The following NID2 variants were observed in gnomAD, a reference collection of about 807,000 sequenced individuals.
NID2 encodes the protein nidogen-2.
In NID2, 83 loss-of-function variants were observed where a neutral mutation model predicts 145.4. The observed-to-expected ratio is 0.57, with a 90% CI of 0.48 to 0.69. NID2 has a LOEUF of 0.69. NID2 is among the 30% of genes least tolerant of loss of function. NID2 has a pLI of 0.00. For missense variants in NID2, 1,807 were observed against 1,765.7 expected (o/e 1.02, Z -0.42); for synonymous variants, 739 against 701.3 (o/e 1.05, Z -0.85).
chr14:52,005,257 G>GTTACCTTTTTAAA lies in NID2; in HGVS notation c.*216_*228dup. 2 of 388,566 alleles carry GTTACCTTTTTAAA rather than the reference G, an allele frequency of 5.1e-6. No individual in the cohort carries two copies. Among genetic ancestry groups the GTTACCTTTTTAAA allele is most frequent in the Non-Finnish European group, 9.1e-6 (2 of 219,132 alleles). 24.1% of individuals were successfully genotyped at this position (388,566 alleles called of 1,614,324 possible). On this transcript the variant is annotated 3_prime_UTR_variant, in exon 22 of 22. Coordinates refer to ENST00000216286, the MANE Select transcript of NID2 (RefSeq NM_007361.4). ...TTTAATAAGCAACAGTTAAAATTCT[G>GTTACCTTTTTAAA]TTACCTTTTTAAACTTGCAATAACA...
chr14:52,048,701 A>G (rs559173131), intron 5 of NID2, among the ~76,000 whole-genome samples: 38 of 152,322 alleles, frequency 2.5e-4, no homozygotes, highest in African/African-American at 8.2e-4. Context: ...GAATCACTGA[A>G]GTGCAGAGGA....
chr14:52,059,567 A>G (rs1892959279), intron 3 of NID2, among the ~76,000 whole-genome samples: 1 of 152,220 alleles, frequency 6.6e-6, no homozygotes, highest in Non-Finnish European at 1.5e-5. Flanking sequence ...TCATTCATTC[A>G]CCCATCTATT....
At chr14:52,037,641 A>C (rs1892119243) in intron 9 of NID2, among the ~76,000 whole-genome samples, 1 of 152,132 alleles carries the variant, frequency 6.6e-6, no homozygotes, top group Non-Finnish European at 1.5e-5. Flanking sequence ...TGTTCTTTGA[A>C]TTTCCATATA....
At chr14:52,023,750 G>A (rs1355882194) in intron 12 of NID2, among the ~76,000 whole-genome samples, 1 of 152,218 alleles carries the variant, frequency 6.6e-6, no homozygotes, top group Non-Finnish European at 1.5e-5. Flanking sequence ...CAGATTGAGG[G>A]AAGCTGCAGA....
At position 52,067,893 on chromosome 14, in the gene NID2, C is replaced by G; in HGVS notation, c.499G>C (p.Glu167Gln). 3 of 1,612,792 alleles carry G rather than the reference C, an allele frequency of 1.9e-6. No individual in the cohort carries two copies. Among genetic ancestry groups the G allele is most frequent in the Non-Finnish European group, 1.7e-6 (2 of 1,179,952 alleles). The stretch of plus-strand genomic sequence containing the variant: ...GGCAGCGCCCCGCGCTTGACCTCCT[C>G]GTAAGCGCCTACCTGCTCCCAGGTG... ...LATWEQVGAY[E>Q]EVKRGALPSG... The change falls in exon 2 of 22, where the codon GAG becomes CAG. Residue 167 changes from glutamate to glutamine, a missense_variant. Glu to Gln is a conservative substitution (Grantham distance 29). Coordinates refer to ENST00000216286, the MANE Select transcript of NID2 (RefSeq NM_007361.4).
chr14:52,068,567 G>A (rs1470097606), intron 1 of NID2, among the ~76,000 whole-genome samples, 200 bp downstream of exon 1: 1 of 152,196 alleles, frequency 6.6e-6, no homozygotes, highest in Non-Finnish European at 1.5e-5. Context: ...AACAATTCTT[G>A]CTCTCCCCTC....
intron 15 of NID2, 142 bp from the exon 16 acceptor site, chr14:52,014,598 C>G: frequency 1.2e-6 from 1 of 859,190 alleles, no homozygotes; most frequent in Non-Finnish European, 1.8e-6. Flanking sequence ...AGATGTTCTT[C>G]AAAAGAAATT....
At chr14:52,036,848 C>A (rs1220665752) in intron 9 of NID2, among the ~76,000 whole-genome samples, 1 of 112,108 alleles carries the variant, frequency 8.9e-6, no homozygotes, top group Middle Eastern at 4.0e-3. Context: ...TTTTAGTTAG[C>A]TTGTTTTTTT....
chr14:52,042,841 C>A lies in NID2; in HGVS notation c.1520G>T (p.Gly507Val). 1 of 1,614,222 alleles carries A rather than the reference C, an allele frequency of 6.2e-7. No homozygotes were observed. Among genetic ancestry groups the A allele is most frequent in the Non-Finnish European group, 8.5e-7 (1 of 1,180,032 alleles). Residue 507 changes from glycine to valine, a missense_variant, in exon 6 of 22, where the codon GGC becomes GTC. Gly to Val is a moderately radical substitution (Grantham distance 109). Coordinates refer to ENST00000216286, the MANE Select transcript of NID2 (RefSeq NM_007361.4). ...CTTGGATTGGCAGTGGCAGCAGAAG[C>A]CAGTGGCATAGTCCGTGCAGAAGGC... ...RHAFCTDYATGFCCHCQSKFY... is the reference protein window; with the variant it reads ...RHAFCTDYATVFCCHCQSKFY...
intron 9 of NID2, among the ~76,000 whole-genome samples, chr14:52,035,878 A>ATATATATATATATATATATATATATATT (rs58318209): frequency 3.0e-5 from 4 of 135,184 alleles, no homozygotes; most frequent in South Asian, 2.3e-4. Context: ...ATATATATAT[A>ATATATATATATATATATATATATATATT]TGTTTTATTT....
chr14:52,041,151 AAAAC>A (rs775056238), intron 7 of NID2, among the ~76,000 whole-genome samples: 17 of 150,124 alleles, frequency 1.1e-4, no homozygotes, highest in Non-Finnish European at 2.1e-4. Flanking sequence ...GACTTAGCAA[AAAAC>A]AAACAAACAA....
intron 12 of NID2, among the ~76,000 whole-genome samples, chr14:52,024,581 C>T (rs10141373): frequency 0.088 from 13,369 of 152,114 alleles, 644 homozygotes; most frequent in Middle Eastern, 0.15. Flanking sequence ...TTCCCAGGTC[C>T]CTGGACCACT....
chr14:52,052,379 C>A (rs1415389747), intron 5 of NID2, among the ~76,000 whole-genome samples: 1 of 152,172 alleles, frequency 6.6e-6, no homozygotes, highest in Non-Finnish European at 1.5e-5. Flanking sequence ...TATTAAGAAC[C>A]AGTGAGTGCA....
At chr14:52,061,734 A>G (rs1893026345) in intron 2 of NID2, among the ~76,000 whole-genome samples, 2 of 152,190 alleles carry the variant, frequency 1.3e-5, no homozygotes, top group Non-Finnish European at 1.5e-5. Context: ...GTTTACCCTC[A>G]TATTTTCAAC....
Position 52,054,029 on chromosome 14 carries a change from G to C in NID2, c.1060C>G (p.Pro354Ala), listed in dbSNP as rs1339723651. 1.2e-6 allele frequency: 2 copies of C among 1,613,848 alleles called. No homozygotes were observed. Among genetic ancestry groups the C allele is most frequent in the Admixed American group, 1.7e-5 (1 of 60,026 alleles). Reference protein sequence around the residue: ...VSFQSKVDTKPLEESSTLDPH... With the variant: ...VSFQSKVDTKALEESSTLDPH... ...GGAGGGGAGATCCTACCCTCTAAAG[G>C]CTTTGTATCCACTTTGGATTGGAAG... The change falls in exon 4 of 22, where the codon CCT (proline) becomes GCT (alanine). Residue 354 changes from proline (P) to alanine (A), a missense_variant. By Grantham distance (27) the Pro-to-Ala change is conservative (BLOSUM62 -1). Transcript: ENST00000216286.
rs1267526590 is a variant in NID2 at position 52,020,111 on chromosome 14, G to C, written c.2742C>G (p.Phe914Leu). 6.2e-7 allele frequency: 1 copy of C among 1,614,184 alleles called. No individual in the cohort carries two copies. The highest frequency in any genetic ancestry group is 1.7e-5 in the Admixed American group (1 of 60,030). Reference sequence around the variant, plus strand: ...AATATCCGGGTTGACAACGGCAGGAGAAGGAACCAGGAGTATTGTAGCAGG... The same window carrying C: ...AATATCCGGGTTGACAACGGCAGGACAAGGAACCAGGAGTATTGTAGCAGG... ...AATCYNTPGS[F>L]SCRCQPGYYG... The change falls in exon 13 of 22, where the codon TTC (phenylalanine) becomes TTG (leucine). Residue 914 changes from phenylalanine (F) to leucine (L), a missense_variant. Physicochemically the swap from Phe to Leu is conservative, Grantham distance 22. Transcript: ENST00000216286.
chr14:52,019,081 G>C lies in NID2; in HGVS notation c.3008C>G (p.Pro1003Arg). Residue 1003 changes from proline to arginine, a missense_variant, in exon 14 of 22, where the codon CCT (proline) becomes CGT (arginine). Physicochemically the swap from Pro to Arg is moderately radical, Grantham distance 103 (BLOSUM62 -2). Coordinates refer to ENST00000216286, the MANE Select transcript of NID2 (RefSeq NM_007361.4). Reference sequence around the variant, plus strand: ...CTCACCTGGTGATGGTCCACAGTGAGGCGGGGTGGAGCCAGGTGGAGTCTG... The same window carrying C: ...CTCACCTGGTGATGGTCCACAGTGACGCGGGGTGGAGCCAGGTGGAGTCTG... ...GTQTPPGSTP[P>R]HCGPSPEPTQ... 6.2e-7 allele frequency: 1 copy of C among 1,614,028 alleles called. No individual in the cohort carries two copies. The highest frequency in any genetic ancestry group is 8.5e-7 in the Non-Finnish European group (1 of 1,179,926).
chr14:52,062,610 G>A (rs78464792), intron 2 of NID2, among the ~76,000 whole-genome samples: 1 of 152,146 alleles, frequency 6.6e-6, no homozygotes. Flanking sequence ...AGCTTTCAAA[G>A]CTCCTGGCAT....
intron 14 of NID2, among the ~76,000 whole-genome samples, chr14:52,018,570 C>G (rs1891294746): frequency 6.6e-6 from 1 of 152,240 alleles, no homozygotes; most frequent in African/African-American, 2.4e-5. Context: ...TTAGAGAAAA[C>G]TAACTGGCTC....
Sources: gnomAD v4.1 joint callset for allele counts (sites outside exome capture counted in the v4.1 genomes callset) on GRCh38, gnomAD v4.1.1 for gene constraint, MANE v1.5 for transcripts, NCBI Gene and HGNC (gene_info 2026-07-23, HGNC 2026-07-21) for gene names.